The following PCDHGA11 variants were observed in gnomAD, a reference collection of about 807,000 sequenced individuals.
PCDHGA11 encodes protocadherin gamma-A11.
In PCDHGA11, 39 loss-of-function variants were observed where a neutral mutation model predicts 60.4. The observed-to-expected ratio is 0.65, with a 90% CI of 0.50 to 0.84. The LOEUF is 0.84. Among genes scored for constraint, PCDHGA11 ranks in the 40% least tolerant of loss-of-function variants. The probability of loss-of-function intolerance (pLI) is 0.00; values close to 1 mark genes in which losing one functional copy is unlikely to be tolerated. For synonymous variants in PCDHGA11, 533 were observed against 510.3 expected (o/e 1.04, Z -0.60); for missense variants, 1,165 against 1,197.7 (o/e 0.97, Z 0.40).
chr5:141,447,689 AG>A lies in PCDHGA11; in HGVS notation c.2433+24032del, dbSNP rs145694922. ...TTAGAACTGTTCCATATCTTGATAGAGGGATGGGTTATAAGGATGTACACAT... is the reference window on the plus strand; with the variant it reads ...TTAGAACTGTTCCATATCTTGATAGAGGATGGGTTATAAGGATGTACACAT... On this transcript the variant is annotated intron_variant, in intron 1 of 3. Coordinates refer to ENST00000398587, the MANE Select transcript of PCDHGA11 (RefSeq NM_018914.3). Among the ~76,000 whole-genome samples the A allele has an allele frequency of 4.6e-3, 694 of 152,302 alleles. 4 individuals are homozygous for A. The highest frequency in any genetic ancestry group is 0.015 in the African/African-American group (633 of 41,566).
rs779183487 is a variant in PCDHGA11, at chr5:141,430,845, C to T, written c.2433+7185C>T. ...GGGACTCTGTGGGAGACCGGATGCA[C>T]CCAGATACGCTATTCAGTTCCGGAA... On this transcript the variant is annotated intron_variant, in intron 1 of 3. Coordinates refer to ENST00000398587, the MANE Select transcript of PCDHGA11 (RefSeq NM_018914.3). 27 of 1,575,514 alleles carry T rather than the reference C, an allele frequency of 1.7e-5. No individual in the cohort carries two copies. In the African/African-American group the frequency reaches 3.7e-4, roughly 21 times the overall value.
chr5:141,426,802 C>G (rs2096961440), intron 1 of PCDHGA11: 1 of 456,696 alleles, frequency 2.2e-6, no homozygotes, highest in South Asian at 1.5e-5. Flanking sequence ...CAGCTCAGTT[C>G]TAATGAACAT....
rs535152193 is a variant in PCDHGA11, at chr5:141,422,906, C to G, written c.1679C>G (p.Ala560Gly). ...SLFVLDQNDN[A>G]PEILYPALPT... ...TTCGTGCTGGACCAGAACGACAATG[C>G]GCCCGAGATCCTGTACCCTGCCCTC... The change falls in exon 1 of 4, where the codon GCG (alanine) becomes GGG (glycine). Residue 560 changes from alanine (A) to glycine (G), a missense_variant. Ala to Gly is a moderately conservative substitution (Grantham distance 60). Transcript: ENST00000398587. 6 of 1,614,264 alleles carry G rather than the reference C, an allele frequency of 3.7e-6. No homozygotes were observed. The South Asian group carries it at 6.6e-5, about 18-fold the overall frequency.
In PCDHGA11 at chr5:141,422,399, T is replaced by A; in HGVS notation, c.1172T>A (p.Leu391Gln). 1.3e-6 allele frequency: 2 copies of A among 1,598,374 alleles called. No individual in the cohort carries two copies. Among genetic ancestry groups the A allele is most frequent in the Non-Finnish European group, 1.7e-6 (2 of 1,174,466 alleles). Reference sequence around the variant, plus strand: ...GTCTCCTGTTTTATTCCTAACCACCTGCCTTTTAAATTAGAAAAGACTTAT... The same window carrying A: ...GTCTCCTGTTTTATTCCTAACCACCAGCCTTTTAAATTAGAAAAGACTTAT... ...GQVSCFIPNH[L>Q]PFKLEKTYGN... Residue 391 changes from leucine to glutamine, a missense_variant, in exon 1 of 4, where the codon CTG becomes CAG. Transcript: ENST00000398587.
chr5:141,426,311 G>C (rs895147447), intron 1 of PCDHGA11: 7 of 173,614 alleles, frequency 4.0e-5, no homozygotes, highest in Middle Eastern at 2.9e-3. Context: ...AAGCAGAGAA[G>C]CAGGACCCGG....
intron 1 of PCDHGA11, among the ~76,000 whole-genome samples, chr5:141,466,757 T>G (rs1486124876): frequency 6.6e-6 from 1 of 152,224 alleles, no homozygotes; most frequent in Non-Finnish European, 1.5e-5. Context: ...AGGGGCTCTT[T>G]TCAAACTGTT....
intron 1 of PCDHGA11, chr5:141,427,842 C>A: frequency 6.5e-7 from 1 of 1,549,268 alleles, no homozygotes. Flanking sequence ...TGCCTTCGAC[C>A]ACGAGCAGCT....
In PCDHGA11 at chr5:141,486,563, G is replaced by A. The variant is rs558244990; in HGVS notation, c.2434-8244G>A. The A allele has an allele frequency of 1.2e-6, 2 of 1,614,006 alleles. No homozygotes were observed. The highest frequency in any genetic ancestry group is 1.7e-6 in the Non-Finnish European group (2 of 1,180,036). On this transcript the variant is annotated intron_variant, in intron 1 of 3. Coordinates refer to ENST00000398587, the MANE Select transcript of PCDHGA11 (RefSeq NM_018914.3). The surrounding 1 kb of genome is among the most constrained non-coding windows in gnomAD (Gnocchi z 5.0). ...CTTTCAGAGGTCACATGAGGTGTTTGTTCCTGAGAACAATCGCCCAGGGGA... is the reference window on the plus strand; with the variant it reads ...CTTTCAGAGGTCACATGAGGTGTTTATTCCTGAGAACAATCGCCCAGGGGA...
Position 141,491,648 on chromosome 5 carries a change from T to A in PCDHGA11, c.2434-3159T>A. 6.2e-7 allele frequency: 1 copy of A among 1,613,834 alleles called. No individual in the cohort carries two copies. Among genetic ancestry groups the A allele is most frequent in the Non-Finnish European group, 8.5e-7 (1 of 1,180,002 alleles). ...GTTCAGCAGCCCACAGCTCTGGCGC[T>A]GGAGCCTGACGCCATCCGGTCCCGC... On this transcript the variant is annotated intron_variant, in intron 1 of 3. Transcript: ENST00000398587. This position sits in a 1 kb window ranked among gnomAD's most constrained non-coding sequence, Gnocchi z 6.9.
At position 141,474,199 on chromosome 5, in the gene PCDHGA11, G is replaced by C. The variant is rs74540928; in HGVS notation, c.2434-20608G>C. Reference sequence around the variant, plus strand: ...AAAACTACTTACATTTTTAAAAGCTGATTTTCAAAAACCAGATTGTGAATT... The same window carrying C: ...AAAACTACTTACATTTTTAAAAGCTCATTTTCAAAAACCAGATTGTGAATT... On this transcript the variant is annotated intron_variant, in intron 1 of 3. Transcript: ENST00000398587. Among the ~76,000 whole-genome samples, 85 of 152,308 alleles carry C rather than the reference G, an allele frequency of 5.6e-4. 1 individual carries two copies. In the East Asian group the frequency reaches 0.016, roughly 29 times the overall value.
intron 1 of PCDHGA11, among the ~76,000 whole-genome samples, chr5:141,451,780 C>T (rs988572200): frequency 6.6e-6 from 1 of 152,016 alleles, no homozygotes; most frequent in Non-Finnish European, 1.5e-5. Flanking sequence ...ACTCAGGAGG[C>T]TGAGGCCAGA....
At chr5:141,459,606 T>G (rs1430790771) in intron 1 of PCDHGA11, among the ~76,000 whole-genome samples, 1 of 152,250 alleles carries the variant, frequency 6.6e-6, no homozygotes, top group Non-Finnish European at 1.5e-5. Context: ...GGGAAGTATA[T>G]GCTTAACTTT....
chr5:141,427,405 C>T (rs1209638263), intron 1 of PCDHGA11: 1 of 462,180 alleles, frequency 2.2e-6, no homozygotes, highest in East Asian at 6.8e-5. Context: ...GATAAAGATT[C>T]GAGAGAAAAT....
rs2096569109 is a variant in PCDHGA11, at chr5:141,421,395, G to A, written c.168G>A (p.Glu56=). 6.2e-7 allele frequency: 1 copy of A among 1,613,950 alleles called. No homozygotes were observed. Among genetic ancestry groups the A allele is most frequent in the Admixed American group, 1.7e-5 (1 of 60,018 alleles). ...VGNISKDLGL[E]PRELAKRGVR... is the part of the protein sequence containing the mutation. Reference sequence around the variant, plus strand: ...ATATCTCCAAGGACCTGGGGCTGGAGCCCCGGGAGCTGGCGAAGCGCGGAG... The same window carrying A: ...ATATCTCCAAGGACCTGGGGCTGGAACCCCGGGAGCTGGCGAAGCGCGGAG... The change falls in exon 1 of 4, where the codon GAG becomes GAA. Residue 56 remains glutamate (E), a synonymous_variant. Transcript: ENST00000398587.
chr5:141,427,711 A>G, intron 1 of PCDHGA11: 1 of 1,036,496 alleles, frequency 9.6e-7, no homozygotes. Context: ...AGCGCCTCTG[A>G]CCTGGACCTA....
chr5:141,427,435 T>G, intron 1 of PCDHGA11: 1 of 474,160 alleles, frequency 2.1e-6, no homozygotes, highest in Non-Finnish European at 4.2e-6. Context: ...ACATGCCTCA[T>G]AAACGAAAGA....
chr5:141,433,159 T>C, intron 1 of PCDHGA11: 2 of 1,613,968 alleles, frequency 1.2e-6, no homozygotes, highest in Non-Finnish European at 1.7e-6. Flanking sequence ...CGGTATTTTC[T>C]AAAGACAGTC....
Position 141,486,585 on chromosome 5 carries a change from G to A in PCDHGA11, c.2434-8222G>A. The A allele has an allele frequency of 6.2e-7, 1 of 1,613,708 alleles. No individual in the cohort carries two copies. The highest frequency in any genetic ancestry group is 1.1e-5 in the South Asian group (1 of 91,080). ...TTTGTTCCTGAGAACAATCGCCCAG[G>A]GGACCTGCTTTGCTCCCTTGCAGCC... On this transcript the variant is annotated intron_variant, in intron 1 of 3. Transcript: ENST00000398587. The surrounding 1 kb of genome is among the most constrained non-coding windows in gnomAD (Gnocchi z 5.0).
chr5:141,459,581 G>A (rs945690319), intron 1 of PCDHGA11, among the ~76,000 whole-genome samples: 1 of 152,138 alleles, frequency 6.6e-6, no homozygotes, highest in Non-Finnish European at 1.5e-5. Flanking sequence ...AATTGTTTTG[G>A]GGGTCATATG....
Sources: gnomAD v4.1 joint callset for allele counts (sites outside exome capture counted in the v4.1 genomes callset) on GRCh38, gnomAD v4.1.1 for gene constraint, Gnocchi (gnomAD v3.1) non-coding constraint, MANE v1.5 for transcripts, NCBI Gene and HGNC (gene_info 2026-07-23, HGNC 2026-07-21) for gene names.